Variants in SAMHD1 observed in about 807,000 individuals in gnomAD.
SAMHD1 encodes SAM and HD domain containing deoxynucleoside triphosphate triphosphohydrolase 1, also known as deoxynucleoside triphosphate triphosphohydrolase SAMHD1.
Under a neutral mutation model 79.6 loss-of-function variants are expected in SAMHD1, and 54 were observed. The observed-to-expected ratio is 0.68, with a 90% CI of 0.55 to 0.85. The LOEUF (loss-of-function observed/expected upper bound fraction) is 0.85. Among genes scored for constraint, SAMHD1 ranks in the 40% least tolerant of loss-of-function variants. The pLI is 0.00. For synonymous variants in SAMHD1, 260 were observed against 264.1 expected, an observed-to-expected ratio of 0.98 and a Z score of 0.15; for missense variants, 663 against 782.7, an observed-to-expected ratio of 0.85 and a Z score of 1.82.
chr20:36,932,352 C>CAAA (rs71186091), intron 4 of SAMHD1, among the ~76,000 whole-genome samples: 101 of 34,182 alleles, frequency 3.0e-3, no homozygotes, highest in African/African-American at 0.014. Context: ...ACTCCGTCTC[C>CAAA]AAAAAAAAAA....
At chr20:36,917,524 G>A (rs1006463841) in intron 7 of SAMHD1, among the ~76,000 whole-genome samples, 49 of 152,028 alleles carry the variant, frequency 3.2e-4, no homozygotes, top group Non-Finnish European at 5.6e-4. Context: ...GGTAGCAAGT[G>A]CCTGTACTCC....
intron 3 of SAMHD1, among the ~76,000 whole-genome samples, chr20:36,936,250 G>GA (rs1308944834): frequency 3.9e-5 from 6 of 151,998 alleles, no homozygotes; most frequent in African/African-American, 1.4e-4. Context: ...AAAAAAAGAA[G>GA]AAAAAAAGCA....
At chr20:36,935,650 A>G (rs529460470) in intron 3 of SAMHD1, among the ~76,000 whole-genome samples, 1 of 151,382 alleles carries the variant, frequency 6.6e-6, no homozygotes, top group South Asian at 2.1e-4. Context: ...AGCTCACTGC[A>G]ACCTCTGCCT....
chr20:36,912,761 T>TA (rs2063449559), intron 9 of SAMHD1, among the ~76,000 whole-genome samples: 1 of 146,718 alleles, frequency 6.8e-6, no homozygotes, highest in African/African-American at 2.5e-5. Context: ...ATTTTTTTTT[T>TA]TTTTTTTTTT....
chr20:36,893,057 C>T lies in SAMHD1; in HGVS notation c.1756G>A (p.Val586Ile), dbSNP rs940227703. The T allele has an allele frequency of 6.2e-7, 1 of 1,613,324 alleles. No individual in the cohort carries two copies. Among genetic ancestry groups the T allele is most frequent in the African/African-American group, 1.3e-5 (1 of 74,962 alleles). Residue 586 changes from valine to isoleucine, a missense_variant, in exon 16 of 16, where the codon GTT becomes ATT. Transcript: ENST00000646673. ...RNFTKPQDGD[V>I]IAPLITPQKK... Reference sequence around the variant, plus strand: ...TGAGGTGTTATGAGTGGGGCTATAACATCGCCATCCTATTAGGAAGAGAGA... The same window carrying T: ...TGAGGTGTTATGAGTGGGGCTATAATATCGCCATCCTATTAGGAAGAGAGA...
intron 11 of SAMHD1, among the ~76,000 whole-genome samples, chr20:36,910,587 G>A (rs1568766216): frequency 2.0e-5 from 3 of 151,592 alleles, no homozygotes; most frequent in Non-Finnish European, 2.9e-5. Context: ...AAAATTAGCT[G>A]GGCATGGTGG....
intron 7 of SAMHD1, 194 bp from the exon 8 acceptor site, chr20:36,917,243 G>C (rs1345088116): frequency 1.7e-6 from 1 of 597,242 alleles, no homozygotes; most frequent in East Asian, 2.9e-5. Context: ...GAAATGCTAA[G>C]GTATATGATA....
Position 36,935,172 on chromosome 20 carries a change from G to A in SAMHD1, c.366C>T (p.Ile122=). Residue 122 remains isoleucine, a synonymous_variant, in exon 4 of 16, where the codon ATC becomes ATT. Transcript: ENST00000646673. ...GAGGGTGGAGCTCAATGTGGCCATGGATAGGATCATTAATTACCTAGAAAA... is the reference window on the plus strand; with the variant it reads ...GAGGGTGGAGCTCAATGTGGCCATGAATAGGATCATTAATTACCTAGAAAA... The part of the protein sequence containing the change: ...VDTMKVINDP[I]HGHIELHPLL... 6.2e-7 allele frequency: 1 copy of A among 1,612,998 alleles called. No homozygotes were observed. The highest frequency in any genetic ancestry group is 8.5e-7 in the Non-Finnish European group (1 of 1,179,014).
intron 11 of SAMHD1, among the ~76,000 whole-genome samples, 155 bp downstream of exon 11, chr20:36,911,063 G>C (rs1010801047): frequency 1.3e-5 from 2 of 151,612 alleles, no homozygotes; most frequent in Non-Finnish European, 2.9e-5. Context: ...AGAGAAGCCT[G>C]GGCAATATAG....
intron 5 of SAMHD1, among the ~76,000 whole-genome samples, chr20:36,928,161 T>C (rs1031075836): frequency 2.6e-5 from 4 of 151,166 alleles, no homozygotes; most frequent in African/African-American, 9.7e-5. Context: ...CTGAGGTGGG[T>C]GGATCACTTT....
chr20:36,901,280 TC>T (rs1453008325), intron 13 of SAMHD1, among the ~76,000 whole-genome samples: 1 of 151,842 alleles, frequency 6.6e-6, no homozygotes, highest in Admixed American at 6.6e-5. Context: ...TCTTCCCACC[TC>T]AGCCTCCCGA....
intron 4 of SAMHD1, chr20:36,934,657 C>CTTTTTTT (rs547804080): frequency 3.6e-5 from 4 of 111,882 alleles, no homozygotes; most frequent in Non-Finnish European, 5.4e-5. Context: ...CTTTTTCTTT[C>CTTTTTTT]TTTTTTTTTT....
At chr20:36,921,040 C>G (rs1167846289) in intron 6 of SAMHD1, among the ~76,000 whole-genome samples, 1 of 151,838 alleles carries the variant, frequency 6.6e-6, no homozygotes, top group Non-Finnish European at 1.5e-5. Context: ...TAGCTATGTT[C>G]ATGCCTGTAC....
intron 6 of SAMHD1, among the ~76,000 whole-genome samples, chr20:36,925,861 T>G (rs954358420): frequency 5.9e-5 from 9 of 152,330 alleles, no homozygotes; most frequent in African/African-American, 2.2e-4. Context: ...TCCAGTATGT[T>G]GCTGATGGGA....
At chr20:36,922,850 T>C (rs1365129798) in intron 6 of SAMHD1, among the ~76,000 whole-genome samples, 1 of 152,062 alleles carries the variant, frequency 6.6e-6, no homozygotes, top group African/African-American at 2.4e-5. Flanking sequence ...GGTTTCACCA[T>C]GTTGTCCAGG....
At chr20:36,904,004 T>C (rs978316216) in intron 13 of SAMHD1, 153 bp downstream of exon 13, 1 of 623,776 alleles carries the variant, frequency 1.6e-6, no homozygotes, top group Non-Finnish European at 2.9e-6. Context: ...ACAAAATGTT[T>C]TTGTGGTTAA....
chr20:36,928,542 G>A (rs992397549), intron 5 of SAMHD1, among the ~76,000 whole-genome samples: 55 of 151,934 alleles, frequency 3.6e-4, no homozygotes, highest in Non-Finnish European at 1.8e-4. Context: ...AAAATTAGGC[G>A]GGTGTGGTGG....
intron 15 of SAMHD1, 43 bp from the exon 16 acceptor site, chr20:36,893,109 G>A (rs1044047789): frequency 7.5e-6 from 12 of 1,606,450 alleles, no homozygotes; most frequent in Non-Finnish European, 1.0e-5. Flanking sequence ...AGAAAAGCCA[G>A]TTTCCATCAT....
chr20:36,918,021 T>C (rs187131685), intron 7 of SAMHD1, among the ~76,000 whole-genome samples: 364 of 152,110 alleles, frequency 2.4e-3, no homozygotes, highest in African/African-American at 8.6e-3. Flanking sequence ...CAAATATGAT[T>C]TTTTTTTAAA....
Sources: allele counts gnomAD v4.1 joint callset (sites outside exome capture counted in the v4.1 genomes callset), GRCh38; gene constraint gnomAD v4.1.1; transcripts MANE v1.5; gene names NCBI Gene and HGNC (gene_info 2026-07-23, HGNC 2026-07-21).